Variants in SCRIB observed in about 807,000 individuals in gnomAD.
SCRIB encodes the protein protein scribble homolog.
A neutral mutation model predicts 170.0 loss-of-function variants in SCRIB; 72 were observed. The ratio of observed to expected loss-of-function variants is 0.42; its 90% CI spans 0.35 to 0.52. SCRIB has a LOEUF of 0.52. SCRIB is among the 20% of genes least tolerant of loss of function. The probability of loss-of-function intolerance (pLI) is 0.02; values close to 1 mark genes in which losing one functional copy is unlikely to be tolerated. For missense variants in SCRIB, 2,475 were observed against 2,338.5 expected (o/e 1.06, Z -1.20); for synonymous variants, 1,298 against 1,044.3 (o/e 1.24, Z -4.68).
At chr8:143,807,851 G>A (rs782214714) in intron 15 of SCRIB, among the ~76,000 whole-genome samples, 3 of 152,156 alleles carry the variant, frequency 2.0e-5, no homozygotes, top group Non-Finnish European at 2.9e-5. Flanking sequence ...TGGCCCCTCC[G>A]GGCCCCCTCA....
chr8:143,809,632 C>G lies in SCRIB; in HGVS notation c.1617G>C (p.Pro539=), dbSNP rs370636471. Residue 539 remains proline (P), a synonymous_variant, in exon 14 of 37, where the codon CCG becomes CCC. Transcript: ENST00000356994. ...GGCTCCCACCCTGTGCCTCAGCCGA[C>G]GGGCCCTCGGGCTCAGCCTCAGAGA... ...STVSEAEPEG[P]SAEAQGGSQQ... The G allele has an allele frequency of 1.2e-5, 20 of 1,610,968 alleles. No individual in the cohort carries two copies. In the South Asian group the frequency reaches 2.1e-4, roughly 17 times the overall value.
rs1212004884 is a variant in SCRIB at position 143,815,627 on chromosome 8, G to A, written c.-255C>T. 3.1e-6 allele frequency: 3 copies of A among 982,502 alleles called. No individual in the cohort carries two copies. Among genetic ancestry groups the A allele is most frequent in the South Asian group, 9.4e-5 (2 of 21,294 alleles). The allele number at this position is 982,502 out of a possible 1,614,324, so 60.9% of individuals were successfully genotyped here. On this transcript the variant is annotated 5_prime_UTR_variant, in exon 1 of 37. Coordinates refer to ENST00000356994, the MANE Select transcript of SCRIB (RefSeq NM_182706.5). ...TTAGGAAGCGCGGGGAGCGGCGGCG[G>A]CGGCGGCTCCGCATCCCGCTTGGTC...
Position 143,810,688 on chromosome 8 carries a change from G to C in SCRIB, c.1402C>G (p.Arg468Gly). 6 of 1,602,568 alleles carry C rather than the reference G, an allele frequency of 3.7e-6. No homozygotes were observed. The highest frequency in any genetic ancestry group is 5.1e-6 in the Non-Finnish European group (6 of 1,172,050). The change falls in exon 12 of 37, where the codon CGG becomes GGG. Residue 468 changes from arginine (R) to glycine (G), a missense_variant and splice_region_variant. This residue lies in a region of SCRIB where 1,966 missense variants were observed against 1,742.9 expected (regional missense o/e 1.13). Transcript: ENST00000356994. ...EDAEEAAAEK[R>G]GLQRRATPHP... is the part of the protein sequence containing the mutation. ...CCCCCAGATCCTCACCCTCATACCC[G>C]CTTCTCAGCTGCAGCTTCCTCAGCG...
chr8:143,801,992 C>T (rs1217625034), intron 24 of SCRIB, among the ~76,000 whole-genome samples: 1 of 152,258 alleles, frequency 6.6e-6, no homozygotes, highest in African/African-American at 2.4e-5. Flanking sequence ...GCCCTGCCTT[C>T]TGCATACCTA....
At position 143,792,362 on chromosome 8, in the gene SCRIB, C is replaced by A. The variant is rs1554633036; in HGVS notation, c.4372G>T (p.Val1458Leu). 1.3e-6 allele frequency: 2 copies of A among 1,530,472 alleles called. No homozygotes were observed. Among genetic ancestry groups the A allele is most frequent in the Non-Finnish European group, 1.7e-6 (2 of 1,144,186 alleles). The allele number at this position is 1,530,472 out of a possible 1,614,324, so 94.8% of individuals were successfully genotyped here. A position where few individuals can be genotyped will look rare whatever the true frequency, so the allele number is the denominator to read the frequency against. Residue 1458 changes from valine (V) to leucine (L), a missense_variant, in exon 32 of 37, where the codon GTG becomes TTG. By Grantham distance (32) the Val-to-Leu change is conservative. Coordinates refer to ENST00000356994, the MANE Select transcript of SCRIB (RefSeq NM_182706.5). ...CGCCGTTCAGCTTTGGCCGTCCGCA[C>A]CGGGGCGCCACCTCCCAGGGGTGGG... ...SPPPLGGGAPVRTAKAERRHQ... is the reference protein window; with the variant it reads ...SPPPLGGGAPLRTAKAERRHQ...
At position 143,804,069 on chromosome 8, in the gene SCRIB, C is replaced by T. The variant is rs1554635739; in HGVS notation, c.3097G>A (p.Glu1033Lys). 8 of 1,611,860 alleles carry T rather than the reference C, an allele frequency of 5.0e-6. No individual in the cohort carries two copies. The highest frequency in any genetic ancestry group is 6.8e-6 in the Non-Finnish European group (8 of 1,178,890). The change falls in exon 22 of 37, where the codon GAG (glutamate) becomes AAG (lysine). Residue 1033 changes from glutamate to lysine, a missense_variant. By Grantham distance (56) the Glu-to-Lys change is moderately conservative (BLOSUM62 1). This residue lies in a region of SCRIB where 1,966 missense variants were observed against 1,742.9 expected (regional missense o/e 1.13). Transcript: ENST00000356994. Reference protein sequence around the residue: ...DHSSHPFGVQEPGVFISKVLP... With the variant: ...DHSSHPFGVQKPGVFISKVLP... ...ACCTTGGAGATGAACACACCAGGCT[C>T]CTGGACACCAAACGGGTGGCTGGAA...
intron 24 of SCRIB, among the ~76,000 whole-genome samples, chr8:143,796,377 G>A (rs2130016720): frequency 6.6e-6 from 1 of 152,272 alleles, no homozygotes; most frequent in Non-Finnish European, 1.5e-5. Context: ...GGAGCTCTCA[G>A]TGTGGCCTCA....
At chr8:143,795,966 G>A (rs1554634032) in intron 24 of SCRIB, among the ~76,000 whole-genome samples, 1 of 152,156 alleles carries the variant, frequency 6.6e-6, no homozygotes, top group Non-Finnish European at 1.5e-5. Flanking sequence ...GTGAGTGCTG[G>A]GCAGGGATTC....
chr8:143,805,422 G>A lies in SCRIB; in HGVS notation c.2360C>T (p.Ala787Val). 2 of 1,507,018 alleles carry A rather than the reference G, an allele frequency of 1.3e-6. No homozygotes were observed. Among genetic ancestry groups the A allele is most frequent in the Non-Finnish European group, 1.8e-6 (2 of 1,130,586 alleles). The allele number at this position is 1,507,018 out of a possible 1,614,324, so 93.4% of individuals were successfully genotyped here. A position where few individuals can be genotyped will look rare whatever the true frequency, so the allele number is the denominator to read the frequency against. The change falls in exon 19 of 37, where the codon GCT (alanine) becomes GTT (valine). Residue 787 changes from alanine to valine, a missense_variant. Coordinates refer to ENST00000356994, the MANE Select transcript of SCRIB (RefSeq NM_182706.5). ...CTCGTGGTGCTCGGCGCCCTGCAGA[G>A]CCACACCATTCACCTGCGGGCCAGG... The part of the protein sequence containing the change: ...GDKLLEVNGV[A>V]LQGAEHHEAV...
In SCRIB at chr8:143,810,733, C is replaced by A. The variant is rs963746949; in HGVS notation, c.1357G>T (p.Ala453Ser). The change falls in exon 12 of 37, where the codon GCC becomes TCC. Residue 453 changes from alanine to serine, a missense_variant. Physicochemically the swap from Ala to Ser is moderately conservative, Grantham distance 99. Coordinates refer to ENST00000356994, the MANE Select transcript of SCRIB (RefSeq NM_182706.5). ...SRVSVIQFLE[A>S]PIGDEDAEEA... ...TCAGCGTCCTCATCACCTATGGGGGCCTCCAGGAACTGGATGACGCTGACG... is the reference window on the plus strand; with the variant it reads ...TCAGCGTCCTCATCACCTATGGGGGACTCCAGGAACTGGATGACGCTGACG... 1.9e-6 allele frequency: 3 copies of A among 1,609,036 alleles called. No individual in the cohort carries two copies. Among genetic ancestry groups the A allele is most frequent in the African/African-American group, 2.7e-5 (2 of 74,892 alleles).
intron 11 of SCRIB, 23 bp downstream of exon 11, chr8:143,810,883 A>C (rs757701156): frequency 5.0e-6 from 8 of 1,609,994 alleles, no homozygotes; most frequent in Non-Finnish European, 6.8e-6. Context: ...CCCCGCGCTA[A>C]GCACCGGTTG....
At position 143,805,098 on chromosome 8, in the gene SCRIB, G is replaced by T. The variant is rs782611234; in HGVS notation, c.2670+14C>A. 6.3e-7 allele frequency: 1 copy of T among 1,597,720 alleles called. No individual in the cohort carries two copies. The highest frequency in any genetic ancestry group is 1.1e-5 in the South Asian group (1 of 88,628). ...TCTAGAGCAGCCCTCCCCGGCCCTG[G>T]GCCCCAGCCTCACCGCATCACCAGC... On this transcript the variant is annotated intron_variant, in intron 19 of 36. Coordinates refer to ENST00000356994, the MANE Select transcript of SCRIB (RefSeq NM_182706.5).
intron 27 of SCRIB, 142 bp from the exon 28 acceptor site, chr8:143,794,104 A>G (rs1260793253): frequency 1.4e-6 from 1 of 736,834 alleles, no homozygotes; most frequent in African/African-American, 1.8e-5. Flanking sequence ...GGGATGCCCC[A>G]GACACTCGGT....
Position 143,795,310 on chromosome 8 carries a change from G to T in SCRIB, c.3738C>A (p.Thr1246=). ...PGKEKELPGQ[T]LHWGPEATEA... ...CTGTGGCCTCGGGCCCCCAGTGCAG[G>T]GTCTGTCCAGGCAGCTCCTTCTCCT... The change falls in exon 26 of 37, where the codon ACC becomes ACA. Residue 1246 remains threonine, a synonymous_variant. Transcript: ENST00000356994. 1 of 1,612,696 alleles carries T rather than the reference G, an allele frequency of 6.2e-7. No homozygotes were observed. The highest frequency in any genetic ancestry group is 2.2e-5 in the East Asian group (1 of 44,866).
rs767046120 is a variant in SCRIB, at chr8:143,815,338, C to T, written c.35G>A (p.Arg12Gln). 7 of 1,554,096 alleles carry T rather than the reference C, an allele frequency of 4.5e-6. No individual in the cohort carries two copies. Among genetic ancestry groups the T allele is most frequent in the African/African-American group, 1.4e-5 (1 of 70,726 alleles). Reference sequence around the variant, plus strand: ...CCGCTTGTCCACCGACTCCACGTGCCGGTTGCAGCGCCACAGCGGGATGCA... The same window carrying T: ...CCGCTTGTCCACCGACTCCACGTGCTGGTTGCAGCGCCACAGCGGGATGCA... ...LKCIPLWRCN[R>Q]HVESVDKRHC... is the part of the protein sequence containing the mutation. The change falls in exon 1 of 37, where the codon CGG becomes CAG. Residue 12 changes from arginine (R) to glutamine (Q), a missense_variant. Arg to Gln is a conservative substitution (Grantham distance 43, BLOSUM62 1). Coordinates refer to ENST00000356994, the MANE Select transcript of SCRIB (RefSeq NM_182706.5).
Position 143,815,388 on chromosome 8 carries a change from CGCGGGCTCCGGCGGCGGCGCTCG to C in SCRIB, c.-39_-17del. On this transcript the variant is annotated 5_prime_UTR_variant, in exon 1 of 37. Coordinates refer to ENST00000356994, the MANE Select transcript of SCRIB (RefSeq NM_182706.5). ...ACTTGAGCATGGTGCGGGTGGGCGG[CGCGGGCTCCGGCGGCGGCGCTCG>C]GCGGGCTCGGGGCCGGGGGGCGGGG... is the stretch of plus-strand genomic sequence containing the variant. The C allele has an allele frequency of 7.8e-7, 1 of 1,289,648 alleles. No individual in the cohort carries two copies. The highest frequency in any genetic ancestry group is 1.5e-5 in the African/African-American group (1 of 65,270). The allele number at this position is 1,289,648 out of a possible 1,614,324, so 79.9% of individuals were successfully genotyped here. A position where few individuals can be genotyped will look rare whatever the true frequency, so the allele number is the denominator to read the frequency against.
In SCRIB at chr8:143,792,394, G is replaced by A. The variant is rs782397401; in HGVS notation, c.4340C>T (p.Ala1447Val). ...SPSPTSRQSP[A>V]SPPPLGGGAP... The stretch of plus-strand genomic sequence containing the variant: ...GCCACCTCCCAGGGGTGGGGGGGAC[G>A]CCGGGCTCTGCCTGGGGAAGGGACA... The change falls in exon 32 of 37, where the codon GCG (alanine) becomes GTG (valine). Residue 1447 changes from alanine to valine, a missense_variant. Ala to Val is a moderately conservative substitution (Grantham distance 64). This residue lies in a region of SCRIB where 1,966 missense variants were observed against 1,742.9 expected (regional missense o/e 1.13). Coordinates refer to ENST00000356994, the MANE Select transcript of SCRIB (RefSeq NM_182706.5). The A allele has an allele frequency of 7.3e-6, 11 of 1,500,882 alleles. No individual in the cohort carries two copies. Among genetic ancestry groups the A allele is most frequent in the East Asian group, 4.7e-5 (2 of 42,202 alleles). 93.0% of individuals were successfully genotyped at this position (1,500,882 alleles called of 1,614,324 possible).
Position 143,810,764 on chromosome 8 carries a change from C to T in SCRIB, c.1326G>A (p.Pro442=), listed in dbSNP as rs776552882. The T allele has an allele frequency of 1.4e-5, 23 of 1,606,500 alleles. No homozygotes were observed. The highest frequency in any genetic ancestry group is 1.3e-5 in the African/African-American group (1 of 74,908). Reference sequence around the variant, plus strand: ...GGAACTGGATGACGCTGACGCGGCTCGGCGGGGCATCGCTCCAGGTCTCCG... The same window carrying T: ...GGAACTGGATGACGCTGACGCGGCTTGGCGGGGCATCGCTCCAGGTCTCCG... The part of the protein sequence containing the change: ...SLSETWSDAP[P]SRVSVIQFLE... The change falls in exon 12 of 37, where the codon CCG becomes CCA. Residue 442 remains proline, a synonymous_variant. Transcript: ENST00000356994.
chr8:143,810,431 C>A (rs1382591748), intron 13 of SCRIB, 48 bp downstream of exon 13: 3 of 1,591,542 alleles, frequency 1.9e-6, no homozygotes, highest in African/African-American at 2.7e-5. Context: ...CGGACCACCA[C>A]AGCTCCCGGG....
Sources: gnomAD v4.1 joint callset for allele counts (sites outside exome capture counted in the v4.1 genomes callset) on GRCh38, gnomAD v4.1.1 for gene constraint, gnomAD v4.1.1 regional missense constraint, MANE v1.5 for transcripts, NCBI Gene and HGNC (gene_info 2026-07-23, HGNC 2026-07-21) for gene names.